Variants in KCNH7 observed in about 807,000 individuals in gnomAD.
The protein encoded by KCNH7 is voltage-gated inwardly rectifying potassium channel KCNH7.
A neutral mutation model predicts 120.8 loss-of-function variants in KCNH7; 49 were observed. The ratio of observed to expected loss-of-function variants is 0.41; its 90% CI spans 0.32 to 0.51. The LOEUF is 0.51. Among genes scored for constraint, KCNH7 ranks in the 20% least tolerant of loss-of-function variants. The pLI, the probability that KCNH7 is intolerant of heterozygous loss-of-function variation, is 0.38. For missense variants in KCNH7, 1,097 were observed against 1,446.6 expected (o/e 0.76, Z 3.92); for synonymous variants, 547 against 516.1 (o/e 1.06, Z -0.81).
intron 6 of KCNH7, among the ~76,000 whole-genome samples, chr2:162,497,934 C>G (rs1690549832): frequency 6.6e-6 from 1 of 152,082 alleles, no homozygotes; most frequent in South Asian, 2.1e-4. Context: ...TATTATGGCT[C>G]TAAAGTCTAC....
At chr2:162,737,284 T>C (rs905311045) in intron 2 of KCNH7, among the ~76,000 whole-genome samples, 1 of 152,038 alleles carries the variant, frequency 6.6e-6, no homozygotes, top group Non-Finnish European at 1.5e-5. Context: ...CAGCTGCTAA[T>C]GGGTTCAGAG....
intron 2 of KCNH7, among the ~76,000 whole-genome samples, chr2:162,731,616 T>A (rs1327929376): frequency 6.6e-6 from 1 of 151,916 alleles, no homozygotes; most frequent in Non-Finnish European, 1.5e-5. Context: ...TGATACCTTA[T>A]TTTTATGGAT....
intron 2 of KCNH7, among the ~76,000 whole-genome samples, chr2:162,622,898 G>A (rs1356315024): frequency 6.6e-6 from 1 of 152,030 alleles, no homozygotes; most frequent in Non-Finnish European, 1.5e-5. Context: ...AATTTTTGTG[G>A]TTGTTTTTCT....
At chr2:162,447,059 T>C (rs1688603992) in intron 6 of KCNH7, among the ~76,000 whole-genome samples, 1 of 152,092 alleles carries the variant, frequency 6.6e-6, no homozygotes, top group African/African-American at 2.4e-5. Context: ...GAGTATTTGA[T>C]ATTCCGGGAC....
At chr2:162,463,482 C>G (rs1444359881) in intron 6 of KCNH7, among the ~76,000 whole-genome samples, 1 of 151,612 alleles carries the variant, frequency 6.6e-6, no homozygotes. Flanking sequence ...TTACTAGATT[C>G]TAAACTCCCT....
chr2:162,714,650 G>T (rs770234561), intron 2 of KCNH7, among the ~76,000 whole-genome samples: 57 of 152,136 alleles, frequency 3.7e-4, no homozygotes, highest in Non-Finnish European at 7.1e-4. Context: ...AATATTTTAG[G>T]CAATGCAGTC....
At chr2:162,617,638 C>G (rs944761568) in intron 2 of KCNH7, among the ~76,000 whole-genome samples, 2 of 152,088 alleles carry the variant, frequency 1.3e-5, no homozygotes, top group Non-Finnish European at 2.9e-5. Flanking sequence ...ATTCTGGAGA[C>G]CATGGTTGCT....
chr2:162,828,440 T>C (rs928598360), intron 2 of KCNH7, among the ~76,000 whole-genome samples: 4 of 152,144 alleles, frequency 2.6e-5, no homozygotes, highest in Non-Finnish European at 5.9e-5. Flanking sequence ...ATAATCTACA[T>C]GATGGGCAAC....
intron 7 of KCNH7, among the ~76,000 whole-genome samples, chr2:162,444,938 G>A (rs1688532366): frequency 6.6e-6 from 1 of 151,888 alleles, no homozygotes; most frequent in South Asian, 2.1e-4. Flanking sequence ...AAAAGCAAGA[G>A]GAGAAGGTAA....
intron 2 of KCNH7, among the ~76,000 whole-genome samples, chr2:162,727,453 A>G (rs964817092): frequency 6.6e-6 from 1 of 152,084 alleles, no homozygotes; most frequent in Non-Finnish European, 1.5e-5. Flanking sequence ...TCACCATGCA[A>G]TTTCCCTTAC....
intron 3 of KCNH7, among the ~76,000 whole-genome samples, chr2:162,535,895 G>A (rs1175129490): frequency 6.6e-6 from 1 of 151,802 alleles, no homozygotes; most frequent in Non-Finnish European, 1.5e-5. Flanking sequence ...AATAAAGGTG[G>A]CATCTTAAAT....
intron 2 of KCNH7, among the ~76,000 whole-genome samples, chr2:162,560,633 A>G (rs909336247): frequency 6.6e-6 from 1 of 152,254 alleles, no homozygotes; most frequent in Non-Finnish European, 1.5e-5. Context: ...GAGTGATGCC[A>G]GTCAAGTATG....
chr2:162,604,654 A>G (rs936213783), intron 2 of KCNH7, among the ~76,000 whole-genome samples: 5 of 152,070 alleles, frequency 3.3e-5, no homozygotes, highest in Non-Finnish European at 7.4e-5. Flanking sequence ...TTAGACACCT[A>G]TTGATTAACA....
chr2:162,812,720 TTAAAG>T (rs1410209881), intron 2 of KCNH7, among the ~76,000 whole-genome samples: 3 of 152,016 alleles, frequency 2.0e-5, no homozygotes, highest in African/African-American at 7.3e-5. Flanking sequence ...GTTTGAGAAG[TTAAAG>T]TACAGATGAG....
intron 2 of KCNH7, among the ~76,000 whole-genome samples, chr2:162,689,307 T>C (rs1326283615): frequency 6.6e-6 from 1 of 152,002 alleles, no homozygotes; most frequent in African/African-American, 2.4e-5. Flanking sequence ...TCCACCACCA[T>C]GCCTGGCTGA....
At chr2:162,519,837 T>C (rs1348082572) in intron 3 of KCNH7, among the ~76,000 whole-genome samples, 1 of 151,824 alleles carries the variant, frequency 6.6e-6, no homozygotes, top group Non-Finnish European at 1.5e-5. Flanking sequence ...ATAGACACCA[T>C]TATCTTTAAT....
intron 2 of KCNH7, among the ~76,000 whole-genome samples, chr2:162,610,111 C>T (rs1049850922): frequency 2.0e-5 from 3 of 152,202 alleles, no homozygotes; most frequent in Admixed American, 6.5e-5. Flanking sequence ...CACAGTCACA[C>T]ATTACCCAAA....
At chr2:162,788,191 C>T (rs1014522597) in intron 2 of KCNH7, among the ~76,000 whole-genome samples, 5 of 152,132 alleles carry the variant, frequency 3.3e-5, no homozygotes, top group Non-Finnish European at 7.4e-5. Flanking sequence ...CAAACAGTCT[C>T]TGATTTATGA....
chr2:162,819,767 C>T (rs1443249044), intron 2 of KCNH7, among the ~76,000 whole-genome samples: 1 of 152,104 alleles, frequency 6.6e-6, no homozygotes, highest in African/African-American at 2.4e-5. Flanking sequence ...GAATAAATGG[C>T]TCCTAAACTA....
Sources: allele counts gnomAD v4.1 joint callset (sites outside exome capture counted in the v4.1 genomes callset), GRCh38; gene constraint gnomAD v4.1.1; transcripts MANE v1.5; gene names NCBI Gene and HGNC (gene_info 2026-07-23, HGNC 2026-07-21).